The following GPATCH2L variants were observed in gnomAD, a reference collection of about 807,000 sequenced individuals.
GPATCH2L encodes G patch domain-containing protein 2-like.
GPATCH2L carries 31 observed loss-of-function variants against 57.4 expected under a neutral mutation model. That is an observed-to-expected ratio of 0.54 (90% CI 0.41 to 0.73). The LOEUF (loss-of-function observed/expected upper bound fraction) is 0.73, where lower values mean the gene tolerates loss of function less well. Ranked by LOEUF, GPATCH2L falls within the 30% of genes least tolerant of loss-of-function variation. GPATCH2L has a pLI of 0.00. For synonymous variants in GPATCH2L, 199 were observed against 210.7 expected, an observed-to-expected ratio of 0.94 and a Z score of 0.48; for missense variants, 481 against 599.9, an observed-to-expected ratio of 0.80 and a Z score of 2.07.
At chr14:76,168,082 CT>C in intron 3 of GPATCH2L, among the ~76,000 whole-genome samples, 1 of 152,322 alleles carries the variant, frequency 6.6e-6, no homozygotes, top group East Asian at 1.9e-4. Flanking sequence ...TCTGCTTCAG[CT>C]TCACACATTC....
At chr14:76,220,000 C>A (rs2040507628) in intron 1 of GPATCH2L, among the ~76,000 whole-genome samples, 1 of 152,182 alleles carries the variant, frequency 6.6e-6, no homozygotes, top group Non-Finnish European at 1.5e-5. Context: ...TGTTATCAGG[C>A]AAATCGTGCA....
At chr14:76,152,664 G>A in intron 1 of GPATCH2L, 1 of 456,110 alleles carries the variant, frequency 2.2e-6, no homozygotes, top group Non-Finnish European at 4.4e-6. Flanking sequence ...TGTCACTACT[G>A]TTGGAATTAC....
intron 5 of GPATCH2L, chr14:76,176,338 G>A: frequency 6.0e-6 from 2 of 333,550 alleles, no homozygotes; most frequent in South Asian, 1.4e-4. Context: ...GTAGTTACAG[G>A]AGGTATAGTA....
chr14:76,163,181 G>A (rs2038677932), intron 2 of GPATCH2L, among the ~76,000 whole-genome samples: 1 of 152,126 alleles, frequency 6.6e-6, no homozygotes, highest in South Asian at 2.1e-4. Flanking sequence ...GTGTGATCTT[G>A]GGTAACTTGC....
chr14:76,233,217 G>C (rs759698640), intron 2 of GPATCH2L, among the ~76,000 whole-genome samples: 5 of 152,288 alleles, frequency 3.3e-5, no homozygotes, highest in Non-Finnish European at 5.9e-5. Flanking sequence ...AAAGATTGTT[G>C]ATACATATTG....
At position 76,210,765 on chromosome 14, in the gene GPATCH2L, A is replaced by G. The variant is rs1248418757; in HGVS notation, c.*8914A>G. On this transcript the variant is annotated 3_prime_UTR_variant, in exon 10 of 10. Coordinates refer to ENST00000261530, the MANE Select transcript of GPATCH2L (RefSeq NM_017926.4). ...TAATGTTAGTGATAGACTGTTTTCA[A>G]CACCTTGGTAAACATTTCTTTTGAC... 1.3e-5 allele frequency: 2 copies of G among 152,190 alleles called. No homozygotes were observed. Among genetic ancestry groups the G allele is most frequent in the Non-Finnish European group, 2.9e-5 (2 of 68,036 alleles). 9.4% of individuals were successfully genotyped at this position (152,190 alleles called of 1,614,324 possible). A position where few individuals can be genotyped will look rare whatever the true frequency, so the allele number is the denominator to read the frequency against.
chr14:76,233,922 AGCAAGACC>A (rs2040586474), intron 2 of GPATCH2L, among the ~76,000 whole-genome samples: 1 of 152,030 alleles, frequency 6.6e-6, no homozygotes, highest in African/African-American at 2.4e-5. Flanking sequence ...TAGGCAACAT[AGCAAGACC>A]TTCTCTCTAC....
chr14:76,173,529 C>A lies in GPATCH2L; in HGVS notation c.905-17C>A, dbSNP rs549475757. The A allele has an allele frequency of 3.8e-6, 6 of 1,573,858 alleles. No individual in the cohort carries two copies. The highest frequency in any genetic ancestry group is 4.5e-5 in the East Asian group (2 of 44,550). On this transcript the variant is annotated splice_polypyrimidine_tract_variant and intron_variant, in intron 4 of 9. Coordinates refer to ENST00000261530, the MANE Select transcript of GPATCH2L (RefSeq NM_017926.4). ...ATTTTCTGCATTCGGTATCTGAGGC[C>A]TTCCTTCTTTTTTTAGGGTACCATA...
intron 4 of GPATCH2L, among the ~76,000 whole-genome samples, chr14:76,173,282 A>G (rs941292676): frequency 6.6e-6 from 1 of 152,104 alleles, no homozygotes; most frequent in African/African-American, 2.4e-5. Flanking sequence ...TGGGTCTTCA[A>G]AACAGCCCAG....
chr14:76,179,298 C>G (rs561194896), intron 7 of GPATCH2L: 1 of 151,786 alleles, frequency 6.6e-6, no homozygotes, highest in Non-Finnish European at 1.5e-5. Flanking sequence ...TGTTATTTCA[C>G]GGAAATATAG....
intron 9 of GPATCH2L, 151 bp from the exon 10 acceptor site, chr14:76,201,540 A>G (rs2040310264): frequency 2.1e-6 from 1 of 475,880 alleles, no homozygotes; most frequent in African/African-American, 2.0e-5. Flanking sequence ...TGTAGAGAAG[A>G]AAGAGATACC....
intron 9 of GPATCH2L, chr14:76,196,334 A>G: frequency 1.7e-6 from 1 of 578,258 alleles, no homozygotes; most frequent in East Asian, 2.9e-5. Context: ...CTTATTTTGC[A>G]TACAGTACAG....
chr14:76,201,841 G>T lies in GPATCH2L; in HGVS notation c.1439G>T (p.Gly480Val). The part of the protein sequence containing the change: ...FFKMPQEKSP[G>V]YS Reference sequence around the variant, plus strand: ...AAAATGCCACAAGAAAAGAGCCCTGGATACAGCTAGAGAGCAGGACTTCAC... The same window carrying T: ...AAAATGCCACAAGAAAAGAGCCCTGTATACAGCTAGAGAGCAGGACTTCAC... Residue 480 changes from glycine to valine, a missense_variant, in exon 10 of 10, where the codon GGA (glycine) becomes GTA (valine). Coordinates refer to ENST00000261530, the MANE Select transcript of GPATCH2L (RefSeq NM_017926.4). 1 of 1,613,764 alleles carries T rather than the reference G, an allele frequency of 6.2e-7. No homozygotes were observed. Among genetic ancestry groups the T allele is most frequent in the Non-Finnish European group, 8.5e-7 (1 of 1,179,820 alleles).
intron 9 of GPATCH2L, 80 bp from the exon 10 acceptor site, chr14:76,201,611 A>T: frequency 8.7e-7 from 1 of 1,146,022 alleles, no homozygotes; most frequent in Non-Finnish European, 1.2e-6. Flanking sequence ...TTTTTTTTCT[A>T]AGTATCTCTC....
intron 9 of GPATCH2L, among the ~76,000 whole-genome samples, chr14:76,201,005 G>T (rs2040296193): frequency 6.6e-6 from 1 of 152,156 alleles, no homozygotes. Flanking sequence ...CAGCAGATAG[G>T]ATCCAGATCG....
At chr14:76,232,857 G>T (rs1477653967) in intron 2 of GPATCH2L, among the ~76,000 whole-genome samples, 1 of 152,162 alleles carries the variant, frequency 6.6e-6, no homozygotes, top group Non-Finnish European at 1.5e-5. Flanking sequence ...TTTTTGTTGG[G>T]GCTCCATAGT....
chr14:76,173,408 T>C (rs2039175312), intron 4 of GPATCH2L, 138 bp from the exon 5 acceptor site: 3 of 581,104 alleles, frequency 5.2e-6, no homozygotes, highest in Non-Finnish European at 9.3e-6. Context: ...TAATAAATCC[T>C]TGGCAAATAG....
intron 3 of GPATCH2L, among the ~76,000 whole-genome samples, chr14:76,168,033 A>G (rs558937424): frequency 3.3e-5 from 5 of 152,302 alleles, no homozygotes; most frequent in African/African-American, 9.6e-5. Flanking sequence ...ATCACGAGAG[A>G]TTATAGAATG....
At position 76,204,115 on chromosome 14, in the gene GPATCH2L, A is replaced by C. The variant is rs751712654; in HGVS notation, c.*2264A>C. On this transcript the variant is annotated 3_prime_UTR_variant, in exon 10 of 10. Coordinates refer to ENST00000261530, the MANE Select transcript of GPATCH2L (RefSeq NM_017926.4). ...GCCACAGAGTTGAGTGACTTGCTCC[A>C]AATCACATAACTAAGCCAGGACTAG... 2 of 152,220 alleles carry C rather than the reference A, an allele frequency of 1.3e-5. No individual in the cohort carries two copies. Among genetic ancestry groups the C allele is most frequent in the Non-Finnish European group, 2.9e-5 (2 of 68,038 alleles). The allele number at this position is 152,220 out of a possible 1,614,324, so 9.4% of individuals were successfully genotyped here.
Sources: allele counts gnomAD v4.1 joint callset (sites outside exome capture counted in the v4.1 genomes callset), GRCh38; gene constraint gnomAD v4.1.1; transcripts MANE v1.5; gene names NCBI Gene and HGNC (gene_info 2026-07-23, HGNC 2026-07-21).